Variants in LARP7 observed in about 807,000 individuals in gnomAD.
The protein encoded by LARP7 is la-related protein 7.
In LARP7, 52 loss-of-function variants were observed where a neutral mutation model predicts 69.3. The observed-to-expected ratio is 0.75, with a 90% CI of 0.60 to 0.95. LARP7 has a LOEUF of 0.95. Among genes scored for constraint, LARP7 ranks in the 40% least tolerant of loss-of-function variants. The probability of loss-of-function intolerance (pLI) is 0.00; values close to 1 mark genes in which losing one functional copy is unlikely to be tolerated. For synonymous variants in LARP7, 254 were observed against 215.9 expected (o/e 1.18, Z -1.55); for missense variants, 733 against 673.0 (o/e 1.09, Z -0.99).
chr4:112,642,969 C>T (rs1296804742), intron 1 of LARP7, among the ~76,000 whole-genome samples: 4 of 152,226 alleles, frequency 2.6e-5, no homozygotes, highest in Middle Eastern at 3.2e-3. Flanking sequence ...AGGTTATTCT[C>T]AAGCAGCCTG....
chr4:112,655,895 G>A (rs1216912170), intron 12 of LARP7, among the ~76,000 whole-genome samples: 1 of 152,094 alleles, frequency 6.6e-6, no homozygotes, highest in African/African-American at 2.4e-5. Context: ...AGACCGGAAG[G>A]GAAGACTGTC....
chr4:112,654,278 G>A (rs2048872635), intron 12 of LARP7, 119 bp downstream of exon 12: 1 of 642,388 alleles, frequency 1.6e-6, no homozygotes, highest in East Asian at 2.7e-5. Flanking sequence ...AAAATTTACT[G>A]AGTATATACT....
At chr4:112,649,770 T>A in intron 9 of LARP7, 84 bp downstream of exon 9, 1 of 933,206 alleles carries the variant, frequency 1.1e-6, no homozygotes, top group Non-Finnish European at 1.5e-6. Context: ...AGATAAATTT[T>A]AATTTTAAAA....
At position 112,654,198 on chromosome 4, in the gene LARP7, C is replaced by A. The variant is rs80084770; in HGVS notation, c.1668+39C>A. ...TTTTGTTTTTTTAGACTAAACTTTC[C>A]TTGAACGTTTAATGCCAAAGTCAGT... On this transcript the variant is annotated intron_variant, in intron 12 of 12. Transcript: ENST00000344442. 1.1e-4 allele frequency: 153 copies of A among 1,426,048 alleles called. No individual in the cohort carries two copies. In the East Asian group the frequency reaches 3.0e-3, roughly 28 times the overall value. The allele number at this position is 1,426,048 out of a possible 1,614,324, so 88.3% of individuals were successfully genotyped here. A position where few individuals can be genotyped will look rare whatever the true frequency, so the allele number is the denominator to read the frequency against.
At chr4:112,637,631 T>A (rs903370841) in intron 1 of LARP7, 1 of 152,282 alleles carries the variant, frequency 6.6e-6, no homozygotes, top group Non-Finnish European at 1.5e-5. Context: ...AAAATTATCA[T>A]CTTCTTTTGC....
chr4:112,652,761 T>A (rs895495882), intron 10 of LARP7, among the ~76,000 whole-genome samples: 3 of 151,818 alleles, frequency 2.0e-5, no homozygotes, highest in Non-Finnish European at 4.4e-5. Context: ...CTTCCTGATT[T>A]GGGGGTTGGG....
chr4:112,652,291 T>TA (rs1306031042), intron 10 of LARP7, among the ~76,000 whole-genome samples: 8 of 117,868 alleles, frequency 6.8e-5, no homozygotes, highest in Non-Finnish European at 1.1e-4. Context: ...ATAAATAAGA[T>TA]TTCCCCCCCC....
intron 10 of LARP7, among the ~76,000 whole-genome samples, chr4:112,651,462 C>T (rs938493568): frequency 2.0e-5 from 3 of 152,162 alleles, no homozygotes; most frequent in South Asian, 2.1e-4. Flanking sequence ...TTTCAGGAGA[C>T]AGCTGAAAAT....
chr4:112,647,324 T>A lies in LARP7; in HGVS notation c.772T>A (p.Ser258Thr), dbSNP rs1396989691. ...TAAAATGAAAAGATCCAGACCCACA[T>A]CTGAGGGCTCTGACATTGAGTCCAC... is the stretch of plus-strand genomic sequence containing the variant. The part of the protein sequence containing the change: ...ISKMKRSRPT[S>T]EGSDIESTEP... The change falls in exon 7 of 13, where the codon TCT becomes ACT. Residue 258 changes from serine to threonine, a missense_variant. Transcript: ENST00000344442. 2.5e-6 allele frequency: 4 copies of A among 1,613,956 alleles called. No individual in the cohort carries two copies.
At chr4:112,645,703 A>G (rs2048173187) in intron 2 of LARP7, 2 of 441,430 alleles carry the variant, frequency 4.5e-6, no homozygotes, top group East Asian at 7.0e-5. Context: ...GGCATTTTTA[A>G]GAGATATGGG....
chr4:112,652,044 T>C (rs899734779), intron 10 of LARP7, among the ~76,000 whole-genome samples: 1 of 151,850 alleles, frequency 6.6e-6, no homozygotes, highest in Non-Finnish European at 1.5e-5. Flanking sequence ...GCCTGTTTTG[T>C]GATAGTTGCT....
At chr4:112,648,209 C>G (rs763188281) in intron 8 of LARP7, 1 of 533,056 alleles carries the variant, frequency 1.9e-6, no homozygotes, top group South Asian at 1.4e-5. Flanking sequence ...GAAGCACTTA[C>G]TTCTTTAGTT....
intron 1 of LARP7, among the ~76,000 whole-genome samples, chr4:112,640,924 A>T (rs1449039932): frequency 6.6e-6 from 1 of 152,226 alleles, no homozygotes; most frequent in Non-Finnish European, 1.5e-5. Flanking sequence ...GGGAGCAACA[A>T]GGGCAAAGGC....
chr4:112,657,196 G>A (rs564101934), intron 12 of LARP7, 51 bp from the exon 13 acceptor site: 1 of 837,128 alleles, frequency 1.2e-6, no homozygotes, highest in Non-Finnish European at 1.9e-6. Flanking sequence ...GTGTGTGTGT[G>A]TGTGTTTTGA....
chr4:112,640,534 T>G (rs1237143814), intron 1 of LARP7, among the ~76,000 whole-genome samples: 1 of 151,958 alleles, frequency 6.6e-6, no homozygotes, highest in Non-Finnish European at 1.5e-5. Flanking sequence ...AAACCGCATC[T>G]CTACTGAAAA....
intron 2 of LARP7, 38 bp downstream of exon 2, chr4:112,644,909 T>A: frequency 1.0e-6 from 1 of 1,002,598 alleles, no homozygotes; most frequent in Non-Finnish European, 1.4e-6. Flanking sequence ...TTTTTAGATA[T>A]GGTTGCCTTT....
At chr4:112,649,492 T>C in intron 8 of LARP7, 43 bp from the exon 9 acceptor site, 1 of 1,483,384 alleles carries the variant, frequency 6.7e-7, no homozygotes, top group Middle Eastern at 2.3e-4. Flanking sequence ...CCTATTTACT[T>C]TTTATATTTA....
chr4:112,647,356 C>G lies in LARP7; in HGVS notation c.804C>G (p.Pro268=). 1 of 1,613,946 alleles carries G rather than the reference C, an allele frequency of 6.2e-7. No homozygotes were observed. Among genetic ancestry groups the G allele is most frequent in the South Asian group, 1.1e-5 (1 of 91,058 alleles). Residue 268 remains proline (P), a synonymous_variant, in exon 7 of 13, where the codon CCC becomes CCG. Transcript: ENST00000344442. ...SEGSDIESTE[P]QKQCSKKKKK... is the part of the protein sequence containing the mutation. ...GCTCTGACATTGAGTCCACTGAACC[C>G]CAAAAGCAGTGCTCAAAGAAAAAGA...
At chr4:112,637,278 C>T (rs985068500) in intron 1 of LARP7, 39 bp downstream of exon 1, 1 of 152,324 alleles carries the variant, frequency 6.6e-6, no homozygotes, top group African/African-American at 2.4e-5. Context: ...ACAGCTTGGG[C>T]GAAGTCTAAT....
Sources: allele counts gnomAD v4.1 joint callset (sites outside exome capture counted in the v4.1 genomes callset), GRCh38; gene constraint gnomAD v4.1.1; transcripts MANE v1.5; gene names NCBI Gene and HGNC (gene_info 2026-07-23, HGNC 2026-07-21).